Variants in TRAPPC9 observed in about 807,000 individuals in gnomAD.
TRAPPC9 encodes IKK2 binding protein.
In TRAPPC9, 83 loss-of-function variants were observed where a neutral mutation model predicts 124.0. The observed-to-expected ratio is 0.67, with a 90% confidence interval of 0.56 to 0.80. The LOEUF (loss-of-function observed/expected upper bound fraction) is 0.80, where lower values mean the gene tolerates loss of function less well. TRAPPC9 is among the 30% of genes least tolerant of loss of function. TRAPPC9 has a pLI of 0.00. For missense variants in TRAPPC9, 1,302 were observed against 1,508.3 expected (o/e 0.86, Z 2.27); for synonymous variants, 638 against 617.5 (o/e 1.03, Z -0.49).
intron 20 of TRAPPC9, among the ~76,000 whole-genome samples, chr8:139,901,330 A>G (rs994532216): frequency 6.6e-6 from 1 of 152,252 alleles, no homozygotes; most frequent in Non-Finnish European, 1.5e-5. Context: ...AATTACACTA[A>G]TGGAAAGACT....
chr8:139,983,727 C>A (rs746551604), intron 19 of TRAPPC9, among the ~76,000 whole-genome samples: 6 of 152,134 alleles, frequency 3.9e-5, no homozygotes, highest in Admixed American at 6.5e-5. Flanking sequence ...AAAGGCTGCA[C>A]AGAGCAGAAA....
intron 21 of TRAPPC9, among the ~76,000 whole-genome samples, chr8:139,882,034 G>A (rs1160738919): frequency 6.6e-6 from 1 of 152,194 alleles, no homozygotes; most frequent in East Asian, 1.9e-4. Flanking sequence ...GAATGCCACA[G>A]ATTCAAGGAG....
intron 18 of TRAPPC9, among the ~76,000 whole-genome samples, chr8:140,022,380 G>A (rs568291428): frequency 4.6e-5 from 7 of 152,292 alleles, no homozygotes; most frequent in Admixed American, 3.9e-4. Context: ...AAGGGAGCAA[G>A]GGCCACAGGC....
intron 14 of TRAPPC9, among the ~76,000 whole-genome samples, chr8:140,281,435 T>G (rs2065320837): frequency 6.6e-6 from 1 of 152,238 alleles, no homozygotes. Flanking sequence ...TCAAATCTCT[T>G]GTCCATTTTT....
intron 19 of TRAPPC9, among the ~76,000 whole-genome samples, chr8:139,969,364 T>A (rs1355786035): frequency 5.3e-5 from 8 of 152,340 alleles, no homozygotes; most frequent in Admixed American, 4.6e-4. Flanking sequence ...AATAGCCGCA[T>A]CTGCAGCGCC....
chr8:140,003,404 T>A (rs1434917868), intron 18 of TRAPPC9, among the ~76,000 whole-genome samples: 3 of 151,838 alleles, frequency 2.0e-5, no homozygotes, highest in Non-Finnish European at 4.4e-5. Context: ...GTGAACATGT[T>A]TGTGAACAAC....
intron 5 of TRAPPC9, among the ~76,000 whole-genome samples, chr8:140,422,851 A>T (rs1262613710): frequency 6.6e-6 from 1 of 152,090 alleles, no homozygotes; most frequent in Non-Finnish European, 1.5e-5. Context: ...ATTTTTTCAA[A>T]GAAAATATAG....
chr8:139,896,293 C>T (rs1428125554), intron 20 of TRAPPC9, among the ~76,000 whole-genome samples: 1 of 152,086 alleles, frequency 6.6e-6, no homozygotes, highest in Non-Finnish European at 1.5e-5. Flanking sequence ...ATACGTGGAC[C>T]CTGGCATTTG....
rs1407533502 is a variant in TRAPPC9, at chr8:139,926,602, T to TAAA, written c.2811-16305_2811-16303dup. Among the ~76,000 whole-genome samples the TAAA allele has an allele frequency of 1.7e-3, 174 of 101,870 alleles. 1 individual carries two copies. Among genetic ancestry groups the TAAA allele is most frequent in the African/African-American group, 6.4e-3 (160 of 24,970 alleles). 66.8% of individuals were successfully genotyped at this position (101,870 alleles called of 152,430 possible). On this transcript the variant is annotated intron_variant, in intron 19 of 22. Transcript: ENST00000438773. The stretch of plus-strand genomic sequence containing the variant: ...TTTACAACTTAAAAATACAATGAAT[T>TAAA]AAAATAAAAAAAAAAAAAAAACTCC...
chr8:139,768,195 A>G (rs995637579), intron 21 of TRAPPC9, among the ~76,000 whole-genome samples: 2 of 152,264 alleles, frequency 1.3e-5, no homozygotes, highest in African/African-American at 4.8e-5. Context: ...TTTGGCATGG[A>G]ACATATTAAG....
chr8:140,064,353 A>G (rs1273216919), intron 17 of TRAPPC9, among the ~76,000 whole-genome samples: 1 of 152,136 alleles, frequency 6.6e-6, no homozygotes, highest in Non-Finnish European at 1.5e-5. Flanking sequence ...TTGCCACTCT[A>G]AGGGTAAAAA....
At chr8:139,818,150 T>A (rs78058573) in intron 21 of TRAPPC9, among the ~76,000 whole-genome samples, 16 of 152,154 alleles carry the variant, frequency 1.1e-4, no homozygotes, top group African/African-American at 3.6e-4. Flanking sequence ...CGGGGCTTTC[T>A]GACTCCAAAG....
chr8:140,398,470 C>T (rs528800150), intron 6 of TRAPPC9, among the ~76,000 whole-genome samples: 4 of 151,974 alleles, frequency 2.6e-5, no homozygotes, highest in African/African-American at 4.8e-5. Flanking sequence ...ATATGGACAA[C>T]GAAAGAGGGC....
At chr8:140,014,118 C>G (rs1030500075) in intron 18 of TRAPPC9, among the ~76,000 whole-genome samples, 1 of 152,210 alleles carries the variant, frequency 6.6e-6, no homozygotes, top group African/African-American at 2.4e-5. Flanking sequence ...GTGACGAAGG[C>G]CTCGGTGGCA....
chr8:139,897,821 C>T (rs1209336614), intron 20 of TRAPPC9, among the ~76,000 whole-genome samples: 1 of 152,236 alleles, frequency 6.6e-6, no homozygotes, highest in East Asian at 1.9e-4. Flanking sequence ...AAGTCCACAG[C>T]GTGCCAGAGT....
In TRAPPC9 at chr8:140,024,193, T is replaced by G. The variant is rs550257196; in HGVS notation, c.2557-114A>C. ...AGAGTCTGAAGATAATCCCAACTAG[T>G]CAAGTCATCAGCATTGGCCGACTCA... On this transcript the variant is annotated intron_variant, in intron 17 of 22. Coordinates refer to ENST00000438773, the MANE Select transcript of TRAPPC9 (RefSeq NM_001160372.4). The G allele has an allele frequency of 6.0e-6, 8 of 1,328,758 alleles. No homozygotes were observed. In the East Asian group the frequency reaches 1.6e-4, roughly 27 times the overall value. 82.3% of individuals were successfully genotyped at this position (1,328,758 alleles called of 1,614,324 possible).
chr8:140,373,086 A>G (rs993067217), intron 7 of TRAPPC9, among the ~76,000 whole-genome samples: 1 of 152,184 alleles, frequency 6.6e-6, no homozygotes, highest in Non-Finnish European at 1.5e-5. Context: ...CATTCTGTCA[A>G]CACATATTTA....
chr8:140,203,874 C>A (rs35504539), intron 17 of TRAPPC9, among the ~76,000 whole-genome samples: 53,933 of 151,776 alleles, frequency 0.36, 9,789 homozygotes, highest in East Asian at 0.59. Flanking sequence ...TATTAAGCTC[C>A]AAAGACTAAG....
At chr8:140,230,718 G>A (rs904413241) in intron 16 of TRAPPC9, among the ~76,000 whole-genome samples, 3 of 152,110 alleles carry the variant, frequency 2.0e-5, no homozygotes, top group African/African-American at 4.8e-5. Context: ...AGGTTGCAGT[G>A]AGCTGAGATC....
Sources: allele counts gnomAD v4.1 joint callset (sites outside exome capture counted in the v4.1 genomes callset), GRCh38; gene constraint gnomAD v4.1.1; transcripts MANE v1.5; gene names NCBI Gene and HGNC (gene_info 2026-07-23, HGNC 2026-07-21).